DAB1: variants seen among roughly 807,000 people sequenced by gnomAD.
DAB1 encodes disabled homolog 1.
In DAB1, 15 loss-of-function variants were observed where a neutral mutation model predicts 64.6. That is an observed-to-expected ratio of 0.23 (90% CI 0.16 to 0.36). The LOEUF (loss-of-function observed/expected upper bound fraction) is 0.36, where lower values mean the gene tolerates loss of function less well. DAB1 is among the 10% of genes least tolerant of loss of function. The pLI is 1.00. For missense variants in DAB1, 596 were observed against 706.7 expected (o/e 0.84, Z 1.78); for synonymous variants, 235 against 251.9 (o/e 0.93, Z 0.64).
intron 5 of DAB1, among the ~76,000 whole-genome samples, chr1:58,122,716 T>C (rs1380594945): frequency 3.3e-5 from 5 of 152,312 alleles, no homozygotes; most frequent in African/African-American, 1.2e-4. Flanking sequence ...AAAAGTCACA[T>C]AACCTCTCTG....
chr1:57,413,788 T>C (rs1010865631), intron 1 of DAB1, among the ~76,000 whole-genome samples: 3 of 149,606 alleles, frequency 2.0e-5, no homozygotes, highest in African/African-American at 7.4e-5. Context: ...CTAGATGCCA[T>C]TAAGAACATT....
At chr1:57,229,315 C>T (rs999950607) in intron 2 of DAB1, among the ~76,000 whole-genome samples, 4 of 151,662 alleles carry the variant, frequency 2.6e-5, no homozygotes, top group African/African-American at 9.7e-5. Context: ...CCATCTCAGC[C>T]GCCAGAGTAG....
chr1:57,150,692 A>T (rs1659572469), intron 2 of DAB1, among the ~76,000 whole-genome samples: 1 of 152,194 alleles, frequency 6.6e-6, no homozygotes, highest in African/African-American at 2.4e-5. Flanking sequence ...GAGAGATGGC[A>T]TTTGAGTAAA....
chr1:57,560,824 A>G (rs989323777), intron 7 of DAB1, among the ~76,000 whole-genome samples: 1 of 152,194 alleles, frequency 6.6e-6, no homozygotes, highest in Non-Finnish European at 1.5e-5. Flanking sequence ...AGGATTTTGG[A>G]GCAAGGCTCT....
intron 1 of DAB1, among the ~76,000 whole-genome samples, chr1:57,843,618 G>A (rs1653149101): frequency 6.6e-6 from 1 of 152,114 alleles, no homozygotes; most frequent in Admixed American, 6.5e-5. Context: ...CACCAATTTA[G>A]AAGTTACCTA....
At chr1:58,380,157 A>C (rs1234887025) in intron 3 of DAB1, among the ~76,000 whole-genome samples, 1 of 152,142 alleles carries the variant, frequency 6.6e-6, no homozygotes, top group Non-Finnish European at 1.5e-5. Flanking sequence ...CTGTGTCCTC[A>C]CCCAAACCTC....
intron 5 of DAB1, among the ~76,000 whole-genome samples, chr1:58,094,197 T>C (rs1238632049): frequency 6.6e-6 from 1 of 152,168 alleles, no homozygotes. Flanking sequence ...CACTTAAGGG[T>C]GGCAGCACCT....
intron 6 of DAB1, among the ~76,000 whole-genome samples, chr1:57,808,015 G>C (rs1651444860): frequency 6.6e-6 from 1 of 152,082 alleles, no homozygotes; most frequent in South Asian, 2.1e-4. Context: ...CGATGCTTCT[G>C]GTCAAAAGTG....
chr1:57,436,547 T>TA (rs1234482818), intron 7 of DAB1, among the ~76,000 whole-genome samples: 1 of 152,206 alleles, frequency 6.6e-6, no homozygotes, highest in African/African-American at 2.4e-5. Flanking sequence ...AAGTCCTGAA[T>TA]AAAATGTTAT....
Position 57,983,432 on chromosome 1 carries a change from C to T in DAB1, n.388-99270G>A, listed in dbSNP as rs571971837. ...TTCTGGGCATTGAGTGACGGGAATC[C>T]CAGGCGGCCAATGAGCTCACTGGGC... On this transcript the variant is annotated intron_variant and non_coding_transcript_variant, in intron 5 of 20. Coordinates refer to the DAB1 transcript ENST00000485760. Among the ~76,000 whole-genome samples, 18 of 152,122 alleles carry T rather than the reference C, an allele frequency of 1.2e-4. No homozygotes were observed. The South Asian group carries it at 3.7e-3, about 32-fold the overall frequency.
intron 4 of DAB1, among the ~76,000 whole-genome samples, chr1:58,231,128 A>G (rs1018796522): frequency 6.6e-6 from 1 of 152,244 alleles, no homozygotes; most frequent in South Asian, 2.1e-4. Flanking sequence ...GTAAAATTCA[A>G]GAAGCATTAG....
chr1:57,103,285 G>A (rs760767733), intron 4 of DAB1, among the ~76,000 whole-genome samples: 8 of 152,138 alleles, frequency 5.3e-5, no homozygotes, highest in African/African-American at 9.7e-5. Flanking sequence ...CTCCTTACAC[G>A]TCACTGCAGA....
intron 5 of DAB1, among the ~76,000 whole-genome samples, chr1:58,083,661 C>T (rs1650133125): frequency 6.6e-6 from 1 of 152,218 alleles, no homozygotes; most frequent in Non-Finnish European, 1.5e-5. Flanking sequence ...CTAGGCACTG[C>T]TCTAGACATT....
At chr1:58,497,599 G>A (rs1037534588) in intron 3 of DAB1, among the ~76,000 whole-genome samples, 2 of 142,008 alleles carry the variant, frequency 1.4e-5, no homozygotes, top group East Asian at 1.9e-4. Flanking sequence ...AGACATAGGG[G>A]AAGTTCTGAA....
chr1:57,749,403 T>C (rs919416125), intron 6 of DAB1, among the ~76,000 whole-genome samples: 2 of 152,216 alleles, frequency 1.3e-5, no homozygotes, highest in African/African-American at 2.4e-5. Context: ...TGAAAAGGAA[T>C]TGAATTAATT....
intron 4 of DAB1, among the ~76,000 whole-genome samples, chr1:58,157,004 T>A (rs1655262499): frequency 6.6e-6 from 1 of 152,164 alleles, no homozygotes; most frequent in South Asian, 2.1e-4. Flanking sequence ...GGATCTGAGT[T>A]ATTCAAATAA....
intron 3 of DAB1, among the ~76,000 whole-genome samples, chr1:58,419,392 A>G (rs1237393789): frequency 6.6e-6 from 1 of 152,174 alleles, no homozygotes; most frequent in Non-Finnish European, 1.5e-5. Flanking sequence ...TTCCTGGTAA[A>G]CTGTAAGGAG....
chr1:58,498,867 GT>G (rs1645849101), intron 3 of DAB1, among the ~76,000 whole-genome samples: 1 of 152,070 alleles, frequency 6.6e-6, no homozygotes, highest in African/African-American at 2.4e-5. Flanking sequence ...ATTCTGACTA[GT>G]TTTTGAAGTG....
intron 4 of DAB1, among the ~76,000 whole-genome samples, chr1:58,326,493 G>A (rs552870959): frequency 2.0e-5 from 3 of 152,152 alleles, no homozygotes; most frequent in Admixed American, 6.5e-5. Context: ...GGAAGAAGAC[G>A]GTCTGGAATT....
Sources: gnomAD v4.1 joint callset for allele counts (sites outside exome capture counted in the v4.1 genomes callset) on GRCh38, gnomAD v4.1.1 for gene constraint, MANE v1.5 for transcripts, NCBI Gene and HGNC (gene_info 2026-07-23, HGNC 2026-07-21) for gene names.